ADAM18: variants seen among roughly 807,000 people sequenced by gnomAD.
ADAM18 encodes the protein ADAM metallopeptidase domain 18, also known as disintegrin and metalloproteinase domain-containing protein 18.
In ADAM18, 117 loss-of-function variants were observed where a neutral mutation model predicts 94.4. The observed-to-expected ratio is 1.24, with a 90% confidence interval of 1.07 to 1.45. The LOEUF (loss-of-function observed/expected upper bound fraction) is 1.45, where lower values mean the gene tolerates loss of function less well. Among genes scored for constraint, ADAM18 ranks in the 40% most tolerant of loss-of-function variants. ADAM18 has a pLI of 0.00. For synonymous variants in ADAM18, 327 were observed against 291.6 expected, an observed-to-expected ratio of 1.12 and a Z score of -1.24; for missense variants, 936 against 880.0, an observed-to-expected ratio of 1.06 and a Z score of -0.81.
intron 18 of ADAM18, 61 bp downstream of exon 18, chr8:39,706,965 A>G (rs1822259856): frequency 1.0e-6 from 1 of 969,706 alleles, no homozygotes. Context: ...AGTTAATTAA[A>G]CAAATCTAAG....
intron 14 of ADAM18, among the ~76,000 whole-genome samples, chr8:39,676,557 C>T (rs978673554): frequency 6.6e-6 from 1 of 151,674 alleles, no homozygotes; most frequent in Admixed American, 6.6e-5. Context: ...GTCACAGCAT[C>T]CCTTGGCTAG....
At chr8:39,629,623 C>G (rs1260139902) in intron 7 of ADAM18, among the ~76,000 whole-genome samples, 184 bp downstream of exon 7, 1 of 150,706 alleles carries the variant, frequency 6.6e-6, no homozygotes, top group Non-Finnish European at 1.5e-5. Flanking sequence ...CCCTTTCCTT[C>G]CTCTACCCCT....
rs537675064 is a variant in ADAM18, at chr8:39,600,225, T to A, written c.133-6082T>A. ...TTTATTTTTCTGCAGGCCACAAAGT[T>A]TTATGGATTATGGCTTTAATCATCA... On this transcript the variant is annotated intron_variant, in intron 2 of 19. Transcript: ENST00000265707. Among the ~76,000 whole-genome samples the A allele has an allele frequency of 2.0e-5, 3 of 152,272 alleles. No individual in the cohort carries two copies. The East Asian group carries it at 5.8e-4, about 29-fold the overall frequency.
rs1347830678 is a variant in ADAM18, at chr8:39,680,126, A to G, written c.1721A>G (p.Gln574Arg). ...CAATCTACAGTTTATTCATATATTC[A>G]AGACCATGTATGTGTATCTATAGCC... ...DAQSTVYSYI[Q>R]DHVCVSIATG... Residue 574 changes from glutamine to arginine, a missense_variant, in exon 16 of 20, where the codon CAA becomes CGA. Gln to Arg is a conservative substitution (Grantham distance 43, BLOSUM62 1). Coordinates refer to ENST00000265707, the MANE Select transcript of ADAM18 (RefSeq NM_014237.3). The G allele has an allele frequency of 5.6e-6, 9 of 1,613,872 alleles. No individual in the cohort carries two copies. The highest frequency in any genetic ancestry group is 7.6e-6 in the Non-Finnish European group (9 of 1,179,868).
chr8:39,605,614 T>A lies in ADAM18; in HGVS notation c.133-693T>A, dbSNP rs867439848. The A allele has an allele frequency of 1.7e-4, 27 of 160,614 alleles. No individual in the cohort carries two copies. In the Middle Eastern group the frequency reaches 0.011, roughly 68 times the overall value. The allele number at this position is 160,614 out of a possible 1,614,324, so 9.9% of individuals were successfully genotyped here. ...AATTTATCTTGACTAAAAATGCAAG[T>A]GTTTTTCTAAATAGAAGCAGTTAAT... is the stretch of plus-strand genomic sequence containing the variant. On this transcript the variant is annotated intron_variant, in intron 2 of 19. Transcript: ENST00000265707.
intron 13 of ADAM18, among the ~76,000 whole-genome samples, chr8:39,664,487 C>G (rs1343359594): frequency 6.6e-6 from 1 of 152,052 alleles, no homozygotes; most frequent in Non-Finnish European, 1.5e-5. Context: ...TGATTCTATT[C>G]TTTAGTGTTA....
intron 6 of ADAM18, chr8:39,611,623 T>G: frequency 2.7e-5 from 26 of 978,220 alleles, no homozygotes; most frequent in Non-Finnish European, 3.2e-5. Context: ...ACAGCATTGC[T>G]TCCACATATA....
chr8:39,599,657 C>G (rs1818845634), intron 2 of ADAM18, among the ~76,000 whole-genome samples: 1 of 151,988 alleles, frequency 6.6e-6, no homozygotes, highest in African/African-American at 2.4e-5. Context: ...TATTTTATAA[C>G]TTTTAAAAAA....
intron 19 of ADAM18, among the ~76,000 whole-genome samples, chr8:39,729,176 T>A (rs1823004130): frequency 6.6e-6 from 1 of 152,164 alleles, no homozygotes; most frequent in African/African-American, 2.4e-5. Flanking sequence ...GAAGTTTTTG[T>A]TGAATACATA....
At chr8:39,619,069 C>T (rs1026168155) in intron 6 of ADAM18, among the ~76,000 whole-genome samples, 11 of 151,948 alleles carry the variant, frequency 7.2e-5, no homozygotes, top group African/African-American at 2.7e-4. Context: ...TAAAAAAAGA[C>T]CAACAAGGGC....
chr8:39,673,394 G>T (rs1821209215), intron 14 of ADAM18, among the ~76,000 whole-genome samples: 1 of 152,094 alleles, frequency 6.6e-6, no homozygotes, highest in Non-Finnish European at 1.5e-5. Context: ...AGATATACAT[G>T]TGCCATGTTG....
chr8:39,719,020 G>A (rs1459132707), intron 18 of ADAM18, among the ~76,000 whole-genome samples: 4 of 150,818 alleles, frequency 2.7e-5, no homozygotes, highest in African/African-American at 7.3e-5. Flanking sequence ...AAAACTCAAA[G>A]GACCAAGAAT....
rs541671426 is a variant in ADAM18 at position 39,640,335 on chromosome 8, C to T, written c.909+1789C>T. On this transcript the variant is annotated intron_variant, in intron 10 of 19. Coordinates refer to ENST00000265707, the MANE Select transcript of ADAM18 (RefSeq NM_014237.3). ...TGAGGATAATGGCTTCCAGCTCCATCGATGTCCCTGCAAAGGACATAATCT... is the reference window on the plus strand; with the variant it reads ...TGAGGATAATGGCTTCCAGCTCCATTGATGTCCCTGCAAAGGACATAATCT... Among the ~76,000 whole-genome samples, 14 of 152,140 alleles carry T rather than the reference C, an allele frequency of 9.2e-5. 1 individual carries two copies. The South Asian group carries it at 2.7e-3, about 29-fold the overall frequency.
chr8:39,611,003 C>T, intron 6 of ADAM18: 1 of 1,140,322 alleles, frequency 8.8e-7, no homozygotes, highest in Non-Finnish European at 1.1e-6. Flanking sequence ...ATTCTAGTAC[C>T]TTGGTAAAAT....
intron 12 of ADAM18, among the ~76,000 whole-genome samples, chr8:39,653,975 C>T (rs1417870943): frequency 6.6e-6 from 1 of 152,100 alleles, no homozygotes; most frequent in Non-Finnish European, 1.5e-5. Flanking sequence ...ATTCATCCCA[C>T]TTCCCTTCCC....
At chr8:39,663,153 T>TC (rs1278881907) in intron 12 of ADAM18, among the ~76,000 whole-genome samples, 1 of 152,136 alleles carries the variant, frequency 6.6e-6, no homozygotes, top group East Asian at 1.9e-4. Context: ...ACCTTTTCAT[T>TC]CCCCCAAGGA....
intron 10 of ADAM18, among the ~76,000 whole-genome samples, chr8:39,643,723 C>T (rs1428965376): frequency 2.6e-5 from 4 of 151,932 alleles, no homozygotes; most frequent in Non-Finnish European, 4.4e-5. Flanking sequence ...GGATGCATTA[C>T]CCCAATATTT....
chr8:39,684,345 C>T (rs1305030492), intron 16 of ADAM18, among the ~76,000 whole-genome samples: 1 of 151,836 alleles, frequency 6.6e-6, no homozygotes, highest in Non-Finnish European at 1.5e-5. Context: ...ATGGCCTACC[C>T]CCTAGGAATT....
At chr8:39,709,654 G>T (rs1822342117) in intron 18 of ADAM18, among the ~76,000 whole-genome samples, 1 of 152,092 alleles carries the variant, frequency 6.6e-6, no homozygotes, top group Admixed American at 6.5e-5. Flanking sequence ...GTCTGGTGAG[G>T]CAATAAAATT....
Sources: allele counts gnomAD v4.1 joint callset (sites outside exome capture counted in the v4.1 genomes callset), GRCh38; gene constraint gnomAD v4.1.1; transcripts MANE v1.5; gene names NCBI Gene and HGNC (gene_info 2026-07-23, HGNC 2026-07-21).